The following TSPEAR variants were observed in gnomAD, a reference collection of about 807,000 sequenced individuals.
The protein encoded by TSPEAR is thrombospondin type laminin G domain and EAR repeats.
TSPEAR carries 69 observed loss-of-function variants against 71.6 expected under a neutral mutation model. The ratio of observed to expected loss-of-function variants is 0.96; its 90% CI spans 0.79 to 1.18. The LOEUF (loss-of-function observed/expected upper bound fraction) is 1.18, where lower values mean the gene tolerates loss of function less well. TSPEAR is among the 50% of genes most tolerant of loss of function. The pLI, the probability that TSPEAR is intolerant of heterozygous loss-of-function variation, is 0.00. For missense variants in TSPEAR, 971 were observed against 894.9 expected, an observed-to-expected ratio of 1.09 and a Z score of -1.09; for synonymous variants, 402 against 387.2, an observed-to-expected ratio of 1.04 and a Z score of -0.45.
intron 1 of TSPEAR, chr21:44,702,893 T>C: frequency 4.6e-6 from 3 of 657,376 alleles, no homozygotes; most frequent in Non-Finnish European, 7.8e-6. Flanking sequence ...CACACCGCAC[T>C]GGTACACACC....
chr21:44,646,718 C>T (rs201279084), intron 1 of TSPEAR: 33 of 1,613,974 alleles, frequency 2.0e-5, no homozygotes, highest in Middle Eastern at 1.6e-4. Context: ...AGCTGCCAGC[C>T]GGCTTGCTGC....
At chr21:44,619,230 G>A (rs1022035251) in intron 1 of TSPEAR, among the ~76,000 whole-genome samples, 2 of 152,214 alleles carry the variant, frequency 1.3e-5, no homozygotes, top group Non-Finnish European at 1.5e-5. Context: ...AGGGGTTTAA[G>A]GAACTCTCTG....
chr21:44,681,535 G>A (rs782682097), intron 1 of TSPEAR: 6 of 403,470 alleles, frequency 1.5e-5, no homozygotes, highest in Admixed American at 3.9e-5. Context: ...AATAGATAGC[G>A]GGGAGTATAG....
At chr21:44,527,598 C>CA in intron 6 of TSPEAR, 80 bp from the exon 7 acceptor site, 1 of 1,398,746 alleles carries the variant, frequency 7.1e-7, no homozygotes, top group Non-Finnish European at 1.0e-6. Context: ...GCGCGATTCC[C>CA]AAGCCCCAAG....
chr21:44,682,035 C>G, intron 1 of TSPEAR: 1 of 1,614,114 alleles, frequency 6.2e-7, no homozygotes, highest in Non-Finnish European at 8.5e-7. Flanking sequence ...GGAGGACTGG[C>G]AGCCCACGGG....
At position 44,683,042 on chromosome 21, in the gene TSPEAR, G is replaced by A. The variant is rs1015726595; in HGVS notation, c.82+28391C>T. On this transcript the variant is annotated intron_variant, in intron 1 of 11. Transcript: ENST00000323084. ...GAAGCCCCCCTCCAGTCCCCACGTC[G>A]ACATCCAGCCGAGACCCCCTACAGC... Among the ~76,000 whole-genome samples the A allele has an allele frequency of 2.0e-5, 3 of 151,904 alleles. No individual in the cohort carries two copies. The East Asian group carries it at 5.8e-4, about 29-fold the overall frequency.
chr21:44,549,809 G>A (rs797039290), intron 2 of TSPEAR, among the ~76,000 whole-genome samples: 23 of 152,302 alleles, frequency 1.5e-4, no homozygotes, highest in African/African-American at 5.3e-4. Context: ...CCGGCCCTCC[G>A]CCCACCCAGC....
chr21:44,552,063 A>C (rs1280201140), intron 2 of TSPEAR, among the ~76,000 whole-genome samples: 1 of 152,222 alleles, frequency 6.6e-6, no homozygotes, highest in Non-Finnish European at 1.5e-5. Flanking sequence ...TGTTCTGGCA[A>C]GGCCTCTGGA....
chr21:44,518,132 T>C (rs7276188), intron 9 of TSPEAR: 19,645 of 357,118 alleles, frequency 0.055, 3,427 homozygotes, highest in African/African-American at 0.37. Flanking sequence ...TAGTAGCATT[T>C]TTTATTTCGT....
chr21:44,690,688 C>A, intron 1 of TSPEAR: 2 of 713,842 alleles, frequency 2.8e-6, no homozygotes, highest in South Asian at 6.3e-5. Context: ...AACCATAAAA[C>A]TATTAAGTAA....
At position 44,579,278 on chromosome 21, in the gene TSPEAR, C is replaced by T. The variant is rs1406483718; in HGVS notation, c.83-11273G>A. ...GAAGACCCAGGCATGGAGGCTGAGC[C>T]GGGACTGAGCCTTCCTGGGCGTGGC... On this transcript the variant is annotated intron_variant, in intron 1 of 11. Coordinates refer to ENST00000323084, the MANE Select transcript of TSPEAR (RefSeq NM_144991.3). Among the ~76,000 whole-genome samples, 10 of 152,260 alleles carry T rather than the reference C, an allele frequency of 6.6e-5. No individual in the cohort carries two copies. The South Asian group carries it at 1.7e-3, about 25-fold the overall frequency.
intron 1 of TSPEAR, chr21:44,697,554 T>C (rs1555950874): frequency 1.2e-6 from 2 of 1,613,662 alleles, no homozygotes. Context: ...TGCAAGCCTG[T>C]GTGCTGTATG....
intron 2 of TSPEAR, among the ~76,000 whole-genome samples, chr21:44,552,462 C>T (rs1038723695): frequency 2.6e-5 from 4 of 152,138 alleles, no homozygotes; most frequent in African/African-American, 4.8e-5. Context: ...CAGCCTGGGA[C>T]GGGCTTTCAT....
At chr21:44,531,008 C>T in intron 4 of TSPEAR, 35 bp downstream of exon 4, 3 of 1,557,610 alleles carry the variant, frequency 1.9e-6, no homozygotes, top group Non-Finnish European at 2.7e-6. Context: ...CATCCCGCAG[C>T]ACGGGTGTTG....
Position 44,536,642 on chromosome 21 carries a change from T to C in TSPEAR, c.304-2719A>G, listed in dbSNP as rs587680813. Among the ~76,000 whole-genome samples the C allele has an allele frequency of 2.0e-5, 3 of 152,346 alleles. No homozygotes were observed. The South Asian group carries it at 6.2e-4, about 32-fold the overall frequency. On this transcript the variant is annotated intron_variant, in intron 2 of 11. Transcript: ENST00000323084. ...ATGAAAGTCAGGAACAATCAAGGAT[T>C]CTTTTAATTTTATTCAGCATCATCC...
chr21:44,583,334 T>C (rs1212473360), intron 1 of TSPEAR, among the ~76,000 whole-genome samples: 5 of 152,256 alleles, frequency 3.3e-5, no homozygotes, highest in Admixed American at 6.5e-5. Context: ...ATGTAGTCTT[T>C]TGTTTTATTT....
chr21:44,597,373 T>C (rs1980429515), intron 1 of TSPEAR, among the ~76,000 whole-genome samples: 1 of 151,962 alleles, frequency 6.6e-6, no homozygotes, highest in Non-Finnish European at 1.5e-5. Flanking sequence ...TTGTGTGGTG[T>C]ATTTTCTTCC....
chr21:44,530,005 C>T (rs782086402), intron 4 of TSPEAR, 51 bp from the exon 5 acceptor site: 58 of 1,486,648 alleles, frequency 3.9e-5, no homozygotes, highest in Admixed American at 1.6e-4. Flanking sequence ...GGGAAGGACC[C>T]GCTGAGGAGG....
At chr21:44,558,160 G>A (rs201034957) in intron 2 of TSPEAR, 305 of 1,611,268 alleles carry the variant, frequency 1.9e-4, no homozygotes, top group Middle Eastern at 5.0e-4. Context: ...CAGCAGCTGG[G>A]CTGGCAGGTG....
Sources: gnomAD v4.1 joint callset for allele counts (sites outside exome capture counted in the v4.1 genomes callset) on GRCh38, gnomAD v4.1.1 for gene constraint, MANE v1.5 for transcripts, NCBI Gene and HGNC (gene_info 2026-07-23, HGNC 2026-07-21) for gene names.